DACH2: variants seen among roughly 807,000 people sequenced by gnomAD.
DACH2 encodes dachshund family transcription factor 2.
A neutral mutation model predicts 35.8 loss-of-function variants in DACH2; 17 were observed. The observed-to-expected ratio is 0.48, with a 90% CI of 0.33 to 0.71. The LOEUF is 0.71. DACH2 is among the 30% of genes least tolerant of loss of function. DACH2 has a pLI of 0.02. For synonymous variants in DACH2, 195 were observed against 177.3 expected (o/e 1.10, Z -0.79); for missense variants, 469 against 472.7 (o/e 0.99, Z 0.07).
In DACH2 at chrX:86,735,631, A is replaced by G. The variant is rs181617400; in HGVS notation, c.1105-4116A>G. 4.9e-3 allele frequency among the ~76,000 whole-genome samples: 545 copies of G among 111,683 alleles called. 3 individuals are homozygous for G. The highest frequency in any genetic ancestry group is 8.1e-3 in the South Asian group (22 of 2,725). ...TATTGAAGATTGTATTACTAATTGCAGGGAAAAATAGGAATTGTGAGAATG... is the reference window on the plus strand; with the variant it reads ...TATTGAAGATTGTATTACTAATTGCGGGGAAAAATAGGAATTGTGAGAATG... On this transcript the variant is annotated intron_variant, in intron 6 of 11. Coordinates refer to ENST00000373125, the MANE Select transcript of DACH2 (RefSeq NM_053281.3).
chrX:86,596,976 C>A, intron 3 of DACH2, among the ~76,000 whole-genome samples: 1 of 111,301 alleles, frequency 9.0e-6, no homozygotes, highest in East Asian at 2.8e-4. Flanking sequence ...ATTTTCATTT[C>A]TCTTTCATTG....
chrX:86,550,273 T>G (rs765706897), intron 3 of DACH2, among the ~76,000 whole-genome samples: 1 of 111,691 alleles, frequency 9.0e-6, no homozygotes, highest in East Asian at 2.8e-4. Context: ...TAGTTTTGTT[T>G]TACATTTTTG....
chrX:86,326,447 A>G (rs139087172), intron 1 of DACH2, among the ~76,000 whole-genome samples: 1,227 of 108,049 alleles, frequency 0.011, 16 homozygotes, highest in African/African-American at 0.04. Context: ...AGTTCGGGTG[A>G]TGGAGTGAGT....
chrX:86,800,952 G>T (rs1260169289), intron 7 of DACH2, among the ~76,000 whole-genome samples: 1 of 111,206 alleles, frequency 9.0e-6, no homozygotes, highest in Non-Finnish European at 1.9e-5. Flanking sequence ...TTACAGGCAT[G>T]AGCCACTGTG....
chrX:86,745,830 T>G (rs1377361476), intron 7 of DACH2, among the ~76,000 whole-genome samples: 1 of 111,658 alleles, frequency 9.0e-6, no homozygotes, highest in East Asian at 2.8e-4. Context: ...CCCCAGTGAC[T>G]GAACTAGTTT....
At chrX:86,279,863 G>T (rs1024290632) in intron 1 of DACH2, among the ~76,000 whole-genome samples, 2 of 108,764 alleles carry the variant, frequency 1.8e-5, no homozygotes, top group Admixed American at 1.0e-4. Flanking sequence ...TGAGAACTTT[G>T]TGAAGCATAC....
chrX:86,160,080 A>G (rs757634207), intron 1 of DACH2, among the ~76,000 whole-genome samples: 107 of 111,185 alleles, frequency 9.6e-4, no homozygotes, highest in Non-Finnish European at 1.5e-3. Context: ...TCCACAAAAC[A>G]TTCTGCCTTC....
chrX:86,387,859 T>C (rs1271152790), intron 2 of DACH2, among the ~76,000 whole-genome samples: 1 of 112,163 alleles, frequency 8.9e-6, no homozygotes, highest in Non-Finnish European at 1.9e-5. Context: ...TATAAATTAC[T>C]TTTTGATATT....
At chrX:86,203,110 A>C (rs1287197647) in intron 1 of DACH2, among the ~76,000 whole-genome samples, 2 of 111,474 alleles carry the variant, frequency 1.8e-5, no homozygotes, top group African/African-American at 6.5e-5. Context: ...GAAAGTATAA[A>C]GAATTTATAG....
At chrX:86,614,906 C>T (rs1013141697) in intron 3 of DACH2, among the ~76,000 whole-genome samples, 2 of 111,788 alleles carry the variant, frequency 1.8e-5, no homozygotes, top group African/African-American at 6.5e-5. Flanking sequence ...TACAAAATCT[C>T]GGCCATCATT....
rs765664007 is a variant in DACH2, at chrX:86,812,999, A to G, written c.1384A>G (p.Ile462Val). 16 of 1,191,196 alleles carry G rather than the reference A, an allele frequency of 1.3e-5. No homozygotes were observed. The highest frequency in any genetic ancestry group is 1.8e-5 in the Non-Finnish European group (16 of 884,962). ...LSSVETLLTN[I>V]QGLLKVALDN... Reference sequence around the variant, plus strand: ...CTCCGTGGAGACTCTGTTGACCAACATTCAGGTCAACAATATTTCTATAAA... The same window carrying G: ...CTCCGTGGAGACTCTGTTGACCAACGTTCAGGTCAACAATATTTCTATAAA... Residue 462 changes from isoleucine to valine, a missense_variant, in exon 8 of 12, where the codon ATT becomes GTT. By Grantham distance (29) the Ile-to-Val change is conservative. Around this residue, in one of 3 missense-constraint regions of DACH2, gnomAD observed 363 missense variants for 334.4 expected, o/e 1.09. Coordinates refer to ENST00000373125, the MANE Select transcript of DACH2 (RefSeq NM_053281.3).
Position 86,221,239 on chromosome X carries a change from T to G in DACH2, c.488+72131T>G, listed in dbSNP as rs1462614083. Among the ~76,000 whole-genome samples the G allele has an allele frequency of 1.3e-4, 15 of 111,962 alleles. 1 individual carries two copies. The highest frequency in any genetic ancestry group is 3.8e-5 in the Non-Finnish European group (2 of 53,236). On this transcript the variant is annotated intron_variant, in intron 1 of 11. Coordinates refer to ENST00000373125, the MANE Select transcript of DACH2 (RefSeq NM_053281.3). ...TCCATTTTGATTTGATTTTTGTGTA[T>G]GATGTAAGATAAGGATCCAATTTCA...
At chrX:86,434,898 C>T (rs2037042553) in intron 2 of DACH2, among the ~76,000 whole-genome samples, 1 of 110,873 alleles carries the variant, frequency 9.0e-6, no homozygotes, top group African/African-American at 3.3e-5. Context: ...GCAGGCACAT[C>T]GCATAGCAAA....
At chrX:86,396,228 T>C (rs1354157670) in intron 2 of DACH2, among the ~76,000 whole-genome samples, 2 of 105,993 alleles carry the variant, frequency 1.9e-5, no homozygotes, top group African/African-American at 3.4e-5. Context: ...CGCTTTTTGA[T>C]GGGGTTGTTT....
intron 2 of DACH2, among the ~76,000 whole-genome samples, chrX:86,471,963 G>T (rs1414325565): frequency 1.8e-5 from 2 of 111,962 alleles, no homozygotes; most frequent in African/African-American, 6.5e-5. Flanking sequence ...CAAAATGTAT[G>T]CATATTTGAA....
chrX:86,220,271 T>A (rs1209563392), intron 1 of DACH2, among the ~76,000 whole-genome samples: 1 of 111,129 alleles, frequency 9.0e-6, no homozygotes, highest in East Asian at 2.8e-4. Flanking sequence ...CATTTTTAAG[T>A]GTATAATGCA....
intron 2 of DACH2, among the ~76,000 whole-genome samples, chrX:86,514,074 C>T (rs1402512358): frequency 9.0e-6 from 1 of 111,439 alleles, no homozygotes; most frequent in Non-Finnish European, 1.9e-5. Context: ...TCCCTTATGG[C>T]GCTAATGTTT....
intron 1 of DACH2, among the ~76,000 whole-genome samples, chrX:86,194,699 T>C (rs12556712): frequency 0.017 from 1,954 of 112,471 alleles, 54 homozygotes; most frequent in Admixed American, 0.097. Flanking sequence ...AGAGAAGTGG[T>C]AGGGGCAGCA....
At chrX:86,163,869 A>C (rs1284754448) in intron 1 of DACH2, among the ~76,000 whole-genome samples, 1 of 111,286 alleles carries the variant, frequency 9.0e-6, no homozygotes, top group East Asian at 2.8e-4. Context: ...GCTATTGTGA[A>C]TAGCGCTGCA....
Sources: gnomAD v4.1 joint callset for allele counts (sites outside exome capture counted in the v4.1 genomes callset) on GRCh38, gnomAD v4.1.1 for gene constraint, gnomAD v4.1.1 regional missense constraint, MANE v1.5 for transcripts, NCBI Gene and HGNC (gene_info 2026-07-23, HGNC 2026-07-21) for gene names.